Variants in MYL4 observed in about 807,000 individuals in gnomAD.
MYL4 encodes the protein myosin light chain 4, also known as atrial myosin light chain 1.
In MYL4, 16 loss-of-function variants were observed where a neutral mutation model predicts 21.6. The observed-to-expected ratio is 0.74, with a 90% CI of 0.50 to 1.12. The LOEUF (loss-of-function observed/expected upper bound fraction) is 1.12, where lower values mean the gene tolerates loss of function less well. Ranked by LOEUF, MYL4 falls within the 50% of genes most tolerant of loss-of-function variation. The pLI is 0.00. For synonymous variants in MYL4, 82 were observed against 95.7 expected (o/e 0.86, Z 0.83); for missense variants, 249 against 252.9 (o/e 0.98, Z 0.11).
At chr17:47,220,164 C>A in intron 3 of MYL4, 111 bp downstream of exon 3, 2 of 1,332,432 alleles carry the variant, frequency 1.5e-6, no homozygotes, top group Non-Finnish European at 2.0e-6. Context: ...CCTGCTTTAG[C>A]CCCTCAGGAC....
intron 2 of MYL4, 134 bp downstream of exon 2, chr17:47,213,960 G>T (rs1215602217): frequency 8.5e-6 from 9 of 1,056,076 alleles, no homozygotes; most frequent in Admixed American, 1.7e-5. Flanking sequence ...AACCTATATT[G>T]AGCATCTACC....
chr17:47,201,998 T>C (rs1490653771), intron 1 of MYL4, among the ~76,000 whole-genome samples: 1 of 152,186 alleles, frequency 6.6e-6, no homozygotes, highest in Non-Finnish European at 1.5e-5. Context: ...CTTTGTCTTC[T>C]TTTTTGAGAT....
chr17:47,225,788 AC>A (rs1212703952), downstream of MYL4, among the ~76,000 whole-genome samples: 1 of 122,044 alleles, frequency 8.2e-6, no homozygotes. Context: ...TTTAAATCAC[AC>A]CCCCAGTTTG....
chr17:47,193,042 A>G, the MYL4 span, among the ~76,000 whole-genome samples: 1 of 152,162 alleles, frequency 6.6e-6, no homozygotes, highest in Admixed American at 6.5e-5. Flanking sequence ...TGTAGGTCCC[A>G]CTGAAACATA....
At chr17:47,201,454 C>G (rs953959781) in intron 1 of MYL4, among the ~76,000 whole-genome samples, 7 of 145,088 alleles carry the variant, frequency 4.8e-5, no homozygotes, top group Non-Finnish European at 1.1e-4. Context: ...TATTTCTTTT[C>G]TTTTTTTTTT....
At position 47,209,568 on chromosome 17, in the gene MYL4, C is replaced by T; in HGVS notation, c.135+11C>T. Reference sequence around the variant, plus strand: ...CCCAAGAGTGTAAAGGTAAGTGAGGCTCAGCCATTGGGATAGAGGTGGGGA... The same window carrying T: ...CCCAAGAGTGTAAAGGTAAGTGAGGTTCAGCCATTGGGATAGAGGTGGGGA... On this transcript the variant is annotated intron_variant, in intron 1 of 6. Coordinates refer to ENST00000393450, the MANE Select transcript of MYL4 (RefSeq NM_002476.2). 1 of 1,614,196 alleles carries T rather than the reference C, an allele frequency of 6.2e-7. No individual in the cohort carries two copies. The highest frequency in any genetic ancestry group is 2.2e-5 in the East Asian group (1 of 44,882).
At chr17:47,222,010 G>T (rs2039086319) in intron 4 of MYL4, among the ~76,000 whole-genome samples, 155 bp downstream of exon 4, 1 of 152,126 alleles carries the variant, frequency 6.6e-6, no homozygotes, top group South Asian at 2.1e-4. Context: ...CCTGGGCTCT[G>T]CAAGAACAAC....
intron 2 of MYL4, among the ~76,000 whole-genome samples, chr17:47,218,856 G>A (rs1201792705): frequency 2.6e-5 from 4 of 152,206 alleles, no homozygotes; most frequent in African/African-American, 7.2e-5. Context: ...GGGACCAGGA[G>A]TGCCTTCCTT....
At chr17:47,225,423 A>C, downstream of MYL4, among the ~76,000 whole-genome samples, 1 of 152,144 alleles carries the variant, frequency 6.6e-6, no homozygotes, top group East Asian at 1.9e-4. Flanking sequence ...ACTAAATTTT[A>C]TGGGGAAGTC....
At chr17:47,193,829 C>T in the MYL4 span, among the ~76,000 whole-genome samples, 4 of 152,012 alleles carry the variant, frequency 2.6e-5, no homozygotes, top group Admixed American at 6.6e-5. Context: ...GATCTCAGCC[C>T]GCTGCAACCT....
chr17:47,195,290 C>A, the MYL4 span, among the ~76,000 whole-genome samples: 1 of 149,434 alleles, frequency 6.7e-6, no homozygotes, highest in Admixed American at 6.7e-5. Flanking sequence ...AGTGCAATGG[C>A]ATGATCTTGG....
chr17:47,205,487 C>A (rs73316051), upstream of MYL4, among the ~76,000 whole-genome samples: 2,464 of 152,288 alleles, frequency 0.016, 55 homozygotes, highest in African/African-American at 0.056. Context: ...GCTCGGACTC[C>A]AGTTACTGGG....
At chr17:47,227,092 G>T (rs547038019), downstream of MYL4, among the ~76,000 whole-genome samples, 1 of 152,184 alleles carries the variant, frequency 6.6e-6, no homozygotes, top group Non-Finnish European at 1.5e-5. Flanking sequence ...CTGACCTCAG[G>T]TGATCCACCT....
chr17:47,217,164 A>T (rs76842534), intron 2 of MYL4, among the ~76,000 whole-genome samples: 1 of 106 alleles, frequency 9.4e-3, no homozygotes, highest in African/African-American at 0.042. Flanking sequence ...AAGGTAAAAA[A>T]GATAAATCCT....
At chr17:47,206,966 C>A (rs139292906), upstream of MYL4, among the ~76,000 whole-genome samples, 1 of 152,276 alleles carries the variant, frequency 6.6e-6, no homozygotes, top group African/African-American at 2.4e-5. Flanking sequence ...ACAACCTGAA[C>A]TCCCAACCCC....
intron 2 of MYL4, among the ~76,000 whole-genome samples, chr17:47,214,461 T>C (rs1364758050): frequency 6.6e-6 from 1 of 152,150 alleles, no homozygotes; most frequent in Admixed American, 6.5e-5. Context: ...CGTATCCCTC[T>C]GTTTCCTCCA....
At chr17:47,209,936 T>C (rs2064761207) in intron 1 of MYL4, among the ~76,000 whole-genome samples, 1 of 152,170 alleles carries the variant, frequency 6.6e-6, no homozygotes, top group Non-Finnish European at 1.5e-5. Flanking sequence ...GATATCTTTA[T>C]GGAGAACAGA....
chr17:47,220,837 C>G (rs186913866), intron 3 of MYL4, among the ~76,000 whole-genome samples: 3 of 152,226 alleles, frequency 2.0e-5, no homozygotes, highest in South Asian at 4.1e-4. Flanking sequence ...GGTGTTGGCA[C>G]GGGGTTTGGG....
chr17:47,213,775 T>C lies in MYL4; in HGVS notation c.136-24T>C, dbSNP rs746601548. ...CAACTGCTTTTAGCAATCCAAGCCC[T>C]CACTACTATTTCCCTCCCTACAGAT... On this transcript the variant is annotated intron_variant, in intron 1 of 6. Coordinates refer to ENST00000393450, the MANE Select transcript of MYL4 (RefSeq NM_002476.2). 12 of 1,613,926 alleles carry C rather than the reference T, an allele frequency of 7.4e-6. No homozygotes were observed. In the East Asian group the frequency reaches 2.5e-4, roughly 33 times the overall value.
Sources: gnomAD v4.1 joint callset for allele counts (sites outside exome capture counted in the v4.1 genomes callset) on GRCh38, gnomAD v4.1.1 for gene constraint, MANE v1.5 for transcripts, NCBI Gene and HGNC (gene_info 2026-07-23, HGNC 2026-07-21) for gene names.